The following VPS13B variants were observed in gnomAD, a reference collection of about 807,000 sequenced individuals.
VPS13B encodes vacuolar protein sorting 13 homolog B.
Under a neutral mutation model 426.4 loss-of-function variants are expected in VPS13B, and 285 were observed. The ratio of observed to expected loss-of-function variants is 0.67; its 90% CI spans 0.61 to 0.74. The LOEUF (loss-of-function observed/expected upper bound fraction) is 0.74. Among genes scored for constraint, VPS13B ranks in the 30% least tolerant of loss-of-function variants. VPS13B has a pLI of 0.00. For synonymous variants in VPS13B, 1,676 were observed against 1,676.4 expected (o/e 1.00, Z 0.01); for missense variants, 4,537 against 4,782.6 (o/e 0.95, Z 1.51).
chr8:99,100,178 G>A (rs145902481), intron 4 of VPS13B, among the ~76,000 whole-genome samples: 330 of 152,306 alleles, frequency 2.2e-3, no homozygotes, highest in Middle Eastern at 0.02. Flanking sequence ...TAAGGAAACA[G>A]TGATAGTCTT....
At chr8:99,343,433 G>A (rs972481418) in intron 19 of VPS13B, among the ~76,000 whole-genome samples, 2 of 152,120 alleles carry the variant, frequency 1.3e-5, no homozygotes, top group African/African-American at 4.8e-5. Flanking sequence ...TTATTGGGTT[G>A]AGTTTTTTAT....
At chr8:99,335,744 T>C (rs1810812674) in intron 19 of VPS13B, among the ~76,000 whole-genome samples, 1 of 152,152 alleles carries the variant, frequency 6.6e-6, no homozygotes, top group Non-Finnish European at 1.5e-5. Flanking sequence ...AGCCAAATCA[T>C]GAGTGAACTC....
In VPS13B at chr8:99,135,005, C is replaced by T. The variant is rs748144840; in HGVS notation, c.1303-10C>T. The T allele has an allele frequency of 2.7e-5, 44 of 1,613,128 alleles. No individual in the cohort carries two copies. The highest frequency in any genetic ancestry group is 8.9e-5 in the East Asian group (4 of 44,834). ...AATTCTTAGTTCTAATGTTTCCTTT[C>T]GTCTTATAGGCCCTTATGATGGGAG... On this transcript the variant is annotated splice_polypyrimidine_tract_variant and intron_variant, in intron 9 of 61. Coordinates refer to ENST00000357162, the MANE Select transcript of VPS13B (RefSeq NM_152564.5).
chr8:99,169,014 A>T (rs1812176353), intron 15 of VPS13B, among the ~76,000 whole-genome samples: 5 of 152,010 alleles, frequency 3.3e-5, no homozygotes, highest in Admixed American at 3.3e-4. Context: ...TAATACTTTT[A>T]AAGAAATTGA....
At chr8:99,507,239 G>T (rs756089348) in intron 28 of VPS13B, 36 bp downstream of exon 28, 50 of 1,599,492 alleles carry the variant, frequency 3.1e-5, no homozygotes, top group Admixed American at 1.5e-4. Flanking sequence ...TTTTGAAAAT[G>T]TACTTTAAAC....
chr8:99,210,019 T>C (rs993259800), intron 17 of VPS13B, among the ~76,000 whole-genome samples: 2 of 152,192 alleles, frequency 1.3e-5, no homozygotes, highest in African/African-American at 2.4e-5. Context: ...TATAACCATA[T>C]ACATAATTAC....
intron 2 of VPS13B, among the ~76,000 whole-genome samples, chr8:99,014,692 C>CAAAAAAAAAAA (rs574786628): frequency 1.6e-5 from 1 of 61,222 alleles, no homozygotes; most frequent in African/African-American, 4.5e-5. Flanking sequence ...GAAAAAAAGA[C>CAAAAAAAAAAA]AAAAAAAAAA....
rs147784969 is a variant in VPS13B, at chr8:99,449,526, A to G, written c.3445+6891A>G. 2.9e-3 allele frequency among the ~76,000 whole-genome samples: 448 copies of G among 152,282 alleles called. 3 individuals carry two copies. The highest frequency in any genetic ancestry group is 5.3e-3 in the Non-Finnish European group (360 of 68,030). ...ATCCGAAGTCATTTATAGAGTGACA[A>G]ATGAAGTGGGATCTGCATATAACAA... is the stretch of plus-strand genomic sequence containing the variant. On this transcript the variant is annotated intron_variant, in intron 23 of 61. Coordinates refer to ENST00000357162, the MANE Select transcript of VPS13B (RefSeq NM_152564.5).
intron 13 of VPS13B, among the ~76,000 whole-genome samples, chr8:99,143,449 T>C (rs924656944): frequency 5.3e-5 from 8 of 150,762 alleles, no homozygotes; most frequent in African/African-American, 1.7e-4. Context: ...TGAATATGAT[T>C]TTTTTTTTTC....
At position 99,274,182 on chromosome 8, in the gene VPS13B, A is replaced by G. The variant is rs1467500034; in HGVS notation, c.2516-16A>G. On this transcript the variant is annotated splice_polypyrimidine_tract_variant and intron_variant, in intron 17 of 61. Transcript: ENST00000357162. ...AAATTCAATCGGCTAGTACATTTGC[A>G]GTTTTCTTTTATTAGGTGTGAAATC... 1 of 1,613,932 alleles carries G rather than the reference A, an allele frequency of 6.2e-7. No individual in the cohort carries two copies. Among genetic ancestry groups the G allele is most frequent in the African/African-American group, 1.3e-5 (1 of 74,930 alleles).
chr8:99,316,527 C>T (rs143036327), intron 19 of VPS13B, among the ~76,000 whole-genome samples: 53 of 152,230 alleles, frequency 3.5e-4, no homozygotes, highest in African/African-American at 1.3e-3. Context: ...CTGTGAGGGT[C>T]AAGGTTCTCT....
intron 19 of VPS13B, among the ~76,000 whole-genome samples, chr8:99,372,039 C>G (rs1465240442): frequency 1.3e-5 from 2 of 151,944 alleles, no homozygotes; most frequent in Non-Finnish European, 2.9e-5. Flanking sequence ...ATCACGAGGT[C>G]AGGAGATCGA....
At chr8:99,685,732 G>T (rs1382361350) in intron 35 of VPS13B, among the ~76,000 whole-genome samples, 2 of 152,094 alleles carry the variant, frequency 1.3e-5, no homozygotes, top group African/African-American at 4.8e-5. Context: ...TATCTGACAG[G>T]ATTCTGAATT....
intron 57 of VPS13B, 113 bp downstream of exon 57, chr8:99,859,593 CT>C: frequency 1.4e-6 from 2 of 1,402,762 alleles, no homozygotes; most frequent in Non-Finnish European, 1.9e-6. Context: ...TTTGTTTGGC[CT>C]TTTAGCTTGC....
At position 99,807,485 on chromosome 8, in the gene VPS13B, T is replaced by A. The variant is rs1979114; in HGVS notation, c.7942-1890T>A. 4.1e-3 allele frequency among the ~76,000 whole-genome samples: 629 copies of A among 152,294 alleles called. 9 individuals carry two copies. Among genetic ancestry groups the A allele is most frequent in the African/African-American group, 0.015 (603 of 41,558 alleles). On this transcript the variant is annotated intron_variant, in intron 43 of 61. Coordinates refer to ENST00000357162, the MANE Select transcript of VPS13B (RefSeq NM_152564.5). ...AAAGAAAACAACTTTCTTATTTCTT[T>A]TAGTTTTGTGTGTACCCTGAGCTTG...
At chr8:99,548,983 T>C (rs1824136336) in intron 30 of VPS13B, among the ~76,000 whole-genome samples, 1 of 152,112 alleles carries the variant, frequency 6.6e-6, no homozygotes, top group Non-Finnish European at 1.5e-5. Context: ...ATAAGCTAAA[T>C]GGTCTACCTT....
At chr8:99,396,641 G>A (rs1004733906) in intron 21 of VPS13B, among the ~76,000 whole-genome samples, 3 of 151,636 alleles carry the variant, frequency 2.0e-5, no homozygotes, top group African/African-American at 7.3e-5. Flanking sequence ...TTTTGCTAAG[G>A]AATTACTCTA....
At chr8:99,175,511 GT>G (rs1812580435) in intron 16 of VPS13B, among the ~76,000 whole-genome samples, 1 of 152,150 alleles carries the variant, frequency 6.6e-6, no homozygotes, top group South Asian at 2.1e-4. Flanking sequence ...GCCAGGAATG[GT>G]GGCTCACGCC....
At chr8:99,067,545 T>C (rs1437494636) in intron 3 of VPS13B, among the ~76,000 whole-genome samples, 4 of 152,098 alleles carry the variant, frequency 2.6e-5, no homozygotes, top group African/African-American at 9.7e-5. Flanking sequence ...CTAATGTAAA[T>C]GATCAGTTAA....
Sources: allele counts gnomAD v4.1 joint callset (sites outside exome capture counted in the v4.1 genomes callset), GRCh38; gene constraint gnomAD v4.1.1; transcripts MANE v1.5; gene names NCBI Gene and HGNC (gene_info 2026-07-23, HGNC 2026-07-21).